Variants in FBXL5 observed in about 807,000 individuals in gnomAD.
The protein encoded by FBXL5 is F-box/LRR-repeat protein 5.
Under a neutral mutation model 78.3 loss-of-function variants are expected in FBXL5, and 26 were observed. The observed-to-expected ratio is 0.33, with a 90% CI of 0.24 to 0.46. The LOEUF (loss-of-function observed/expected upper bound fraction) is 0.46. Ranked by LOEUF, FBXL5 falls within the 20% of genes least tolerant of loss-of-function variation. FBXL5 has a pLI of 1.00. For synonymous variants in FBXL5, 295 were observed against 282.5 expected, an observed-to-expected ratio of 1.04 and a Z score of -0.45; for missense variants, 710 against 829.2, an observed-to-expected ratio of 0.86 and a Z score of 1.77.
intron 10 of FBXL5, among the ~76,000 whole-genome samples, chr4:15,611,093 G>C (rs566738065): frequency 3.3e-5 from 5 of 152,008 alleles, no homozygotes; most frequent in Non-Finnish European, 1.5e-5. Flanking sequence ...CAACTATGAT[G>C]ACATTCACTT....
At position 15,630,810 on chromosome 4, in the gene FBXL5, A is replaced by G; in HGVS notation, c.767-19T>C. On this transcript the variant is annotated intron_variant, in intron 5 of 10. Transcript: ENST00000341285. ...CAGTCACCTACTCAATGAATAAACAAGTAAAAGGTTCAAAATAATATCAGA... is the reference window on the plus strand; with the variant it reads ...CAGTCACCTACTCAATGAATAAACAGGTAAAAGGTTCAAAATAATATCAGA... 6.2e-7 allele frequency: 1 copy of G among 1,602,546 alleles called. No homozygotes were observed. The highest frequency in any genetic ancestry group is 8.5e-7 in the Non-Finnish European group (1 of 1,179,062).
intron 9 of FBXL5, among the ~76,000 whole-genome samples, chr4:15,621,554 G>A (rs761180460): frequency 6.6e-6 from 1 of 152,102 alleles, no homozygotes; most frequent in Non-Finnish European, 1.5e-5. Flanking sequence ...ATATAAAAAG[G>A]AATGACGTTC....
In FBXL5 at chr4:15,625,484, A is replaced by C. The variant is rs1180765760; in HGVS notation, c.1618T>G (p.Ser540Ala). The C allele has an allele frequency of 2.5e-6, 4 of 1,613,896 alleles. No individual in the cohort carries two copies. The highest frequency in any genetic ancestry group is 1.3e-5 in the African/African-American group (1 of 74,944). The change falls in exon 9 of 11, where the codon TCT (serine) becomes GCT (alanine). Residue 540 changes from serine (S) to alanine (A), a missense_variant. Ser to Ala is a moderately conservative substitution (Grantham distance 99). This residue lies in a region of FBXL5 where 517 missense variants were observed against 542.9 expected (regional missense o/e 0.95). Coordinates refer to ENST00000341285, the MANE Select transcript of FBXL5 (RefSeq NM_012161.4). ...TGACCACAATACGCAAAGGCTGGAG[A>C]AGCACAATGCTGCTGCCAACAGACA... ...TSVCWQQHCA[S>A]PAFAYCGHSF...
chr4:15,641,193 C>T (rs1447824173), intron 2 of FBXL5, among the ~76,000 whole-genome samples: 5 of 152,122 alleles, frequency 3.3e-5, no homozygotes, highest in Non-Finnish European at 4.4e-5. Context: ...TGTCAGTTCT[C>T]TTAATGTATC....
At chr4:15,607,181 G>C (rs1207848168) in intron 10 of FBXL5, among the ~76,000 whole-genome samples, 2 of 152,170 alleles carry the variant, frequency 1.3e-5, no homozygotes, top group African/African-American at 4.8e-5. Context: ...GTAGATATGG[G>C]AATGAGCAAT....
intron 10 of FBXL5, 80 bp downstream of exon 10, chr4:15,612,185 TA>T: frequency 8.6e-7 from 1 of 1,163,008 alleles, no homozygotes; most frequent in Non-Finnish European, 1.2e-6. Context: ...TCTAGAAAAC[TA>T]AATGGAAAAA....
At chr4:15,652,412 A>G (rs931348804) in intron 1 of FBXL5, among the ~76,000 whole-genome samples, 4 of 152,182 alleles carry the variant, frequency 2.6e-5, no homozygotes, top group African/African-American at 9.7e-5. Flanking sequence ...CCCAGCTATA[A>G]AACAGAAATA....
At chr4:15,661,584 G>T (rs1333418403), upstream of FBXL5, among the ~76,000 whole-genome samples, 1 of 152,178 alleles carries the variant, frequency 6.6e-6, no homozygotes, top group South Asian at 2.1e-4. Flanking sequence ...ACATTTAGTT[G>T]TAAGTGACAG....
At chr4:15,627,689 A>G (rs1713209763) in intron 7 of FBXL5, among the ~76,000 whole-genome samples, 196 bp downstream of exon 7, 1 of 152,212 alleles carries the variant, frequency 6.6e-6, no homozygotes, top group African/African-American at 2.4e-5. Context: ...ATAGGTAATG[A>G]TAATTATGCT....
chr4:15,649,578 CAAA>C (rs34238482), intron 1 of FBXL5, among the ~76,000 whole-genome samples: 2 of 81,372 alleles, frequency 2.5e-5, no homozygotes, highest in African/African-American at 4.4e-5. Flanking sequence ...GACTACGTCT[CAAA>C]AAAAAAAAAA....
intron 1 of FBXL5, among the ~76,000 whole-genome samples, chr4:15,671,540 T>C (rs781410892): frequency 1.3e-5 from 2 of 152,048 alleles, no homozygotes; most frequent in East Asian, 3.9e-4. Flanking sequence ...TCTCAAAGTG[T>C]TGGAATTACA....
intron 3 of FBXL5, among the ~76,000 whole-genome samples, chr4:15,640,511 T>C (rs917263720): frequency 3.9e-5 from 6 of 151,966 alleles, no homozygotes; most frequent in African/African-American, 1.2e-4. Context: ...GCATAAGTTA[T>C]TAATATTTAA....
intron 8 of FBXL5, 69 bp downstream of exon 8, chr4:15,626,804 C>A: frequency 9.1e-7 from 1 of 1,098,346 alleles, no homozygotes; most frequent in South Asian, 1.5e-5. Context: ...TATGATTAAA[C>A]TGCAATTACA....
In FBXL5 at chr4:15,627,952, A is replaced by T; in HGVS notation, c.974T>A (p.Leu325Gln). 1 of 1,613,842 alleles carries T rather than the reference A, an allele frequency of 6.2e-7. No individual in the cohort carries two copies. Among genetic ancestry groups the T allele is most frequent in the East Asian group, 2.2e-5 (1 of 44,824 alleles). ...RLLHGLIHNV[L>Q]PYVGTSVKTL... is the part of the protein sequence containing the mutation. The stretch of plus-strand genomic sequence containing the variant: ...TTTTACAGAAGTACCAACATATGGT[A>T]GAACGTTATGAATTAAGCCATGGAG... The change falls in exon 7 of 11, where the codon CTA becomes CAA. Residue 325 changes from leucine to glutamine, a missense_variant. Physicochemically the swap from Leu to Gln is moderately radical, Grantham distance 113. Transcript: ENST00000341285.
At chr4:15,634,814 A>T (rs1049246072) in intron 5 of FBXL5, among the ~76,000 whole-genome samples, 3 of 152,154 alleles carry the variant, frequency 2.0e-5, no homozygotes, top group Non-Finnish European at 4.4e-5. Flanking sequence ...CACATTTGAC[A>T]TTCCTATCAA....
chr4:15,680,683 A>T (rs1335610591), intron 1 of FBXL5, among the ~76,000 whole-genome samples: 3 of 148,232 alleles, frequency 2.0e-5, no homozygotes, highest in Non-Finnish European at 3.0e-5. Flanking sequence ...CTCAAAAATT[A>T]AAAAAAAAAA....
chr4:15,622,462 A>C (rs778986682), intron 9 of FBXL5, among the ~76,000 whole-genome samples: 6 of 152,172 alleles, frequency 3.9e-5, no homozygotes, highest in Non-Finnish European at 7.4e-5. Context: ...CCCTAATTTT[A>C]TCTCTCTCTC....
intron 9 of FBXL5, among the ~76,000 whole-genome samples, chr4:15,620,827 A>G (rs2148557806): frequency 6.6e-6 from 1 of 152,388 alleles, no homozygotes; most frequent in East Asian, 1.9e-4. Context: ...CTTAAGCCAC[A>G]AACAATTGCA....
chr4:15,662,275 G>A (rs745789644), upstream of FBXL5, among the ~76,000 whole-genome samples: 49 of 150,260 alleles, frequency 3.3e-4, no homozygotes, highest in African/African-American at 8.2e-4. Flanking sequence ...CTCCTTCCAC[G>A]GCTCTACCAA....
Sources: allele counts gnomAD v4.1 joint callset (sites outside exome capture counted in the v4.1 genomes callset), GRCh38; gene constraint gnomAD v4.1.1; regional missense constraint gnomAD v4.1.1; transcripts MANE v1.5; gene names NCBI Gene and HGNC (gene_info 2026-07-23, HGNC 2026-07-21).